The following C11orf71 variants were observed in gnomAD, a reference collection of about 807,000 sequenced individuals.
The protein encoded by C11orf71 is uncharacterized protein C11orf71.
For synonymous variants in C11orf71, 72 were observed against 73.4 expected (o/e 0.98, Z 0.09); for missense variants, 179 against 167.6 (o/e 1.07, Z -0.38).
chr11:114,399,705 C>A lies in C11orf71; in HGVS notation c.*255G>T. The A allele has an allele frequency of 4.1e-6, 2 of 485,882 alleles. No homozygotes were observed. The highest frequency in any genetic ancestry group is 5.5e-4 in the Middle Eastern group (1 of 1,818). The allele number at this position is 485,882 out of a possible 1,614,324, so 30.1% of individuals were successfully genotyped here. On this transcript the variant is annotated 3_prime_UTR_variant, in exon 1 of 1. Transcript: ENST00000623205. Reference sequence around the variant, plus strand: ...TGACCTCTGGGGAGGGTGCTCCCATCAGCTCAGCTTTGTGACGACCTAAGA... The same window carrying A: ...TGACCTCTGGGGAGGGTGCTCCCATAAGCTCAGCTTTGTGACGACCTAAGA...
rs1187756785 is a variant in C11orf71 at position 114,400,135 on chromosome 11, C to T, written c.197G>A (p.Arg66His). ...GCTCCGGCCGCCACCATCCACTCGACGGCTCTCGGCCCGAACGCTTGGTCG... is the reference window on the plus strand; with the variant it reads ...GCTCCGGCCGCCACCATCCACTCGATGGCTCTCGGCCCGAACGCTTGGTCG... ...AVRPSVRAES[R>H]RVDGGGRSPR... Residue 66 changes from arginine to histidine, a missense_variant, in exon 1 of 1, where the codon CGT (arginine) becomes CAT (histidine). Coordinates refer to ENST00000623205, the MANE Select transcript of C11orf71 (RefSeq NM_001271562.2). 6.2e-7 allele frequency: 1 copy of T among 1,613,880 alleles called. No homozygotes were observed. Among genetic ancestry groups the T allele is most frequent in the Admixed American group, 1.7e-5 (1 of 60,018 alleles).
downstream of C11orf71, among the ~76,000 whole-genome samples, chr11:114,394,257 CTTTTCTTTTCTTTTCTT>C (rs1946106801): frequency 6.1e-5 from 4 of 65,512 alleles, no homozygotes; most frequent in East Asian, 5.1e-4. Flanking sequence ...CTTTTCTTTT[CTTTTCTTTTCTTTTCTT>C]TTCTTTTCTT....
chr11:114,397,912 C>T (rs1267672875), downstream of C11orf71, among the ~76,000 whole-genome samples: 4 of 152,094 alleles, frequency 2.6e-5, no homozygotes, highest in South Asian at 2.1e-4. Context: ...TCTCCTCATC[C>T]CCCAACTCCC....
At chr11:114,394,179 GTTTCT>G (rs1226365240), downstream of C11orf71, among the ~76,000 whole-genome samples, 402 of 80,216 alleles carry the variant, frequency 5.0e-3, 13 homozygotes, top group Admixed American at 6.0e-3. Flanking sequence ...ACGGGGTTTC[GTTTCT>G]TTTCTTTTCT....
In C11orf71 at chr11:114,400,474, G is replaced by T; in HGVS notation, c.-143C>A. 1.5e-6 allele frequency: 2 copies of T among 1,304,566 alleles called. No individual in the cohort carries two copies. Among genetic ancestry groups the T allele is most frequent in the Non-Finnish European group, 2.1e-6 (2 of 966,338 alleles). The allele number at this position is 1,304,566 out of a possible 1,614,324, so 80.8% of individuals were successfully genotyped here. A position where few individuals can be genotyped will look rare whatever the true frequency, so the allele number is the denominator to read the frequency against. On this transcript the variant is annotated 5_prime_UTR_variant, in exon 1 of 1. Coordinates refer to ENST00000623205, the MANE Select transcript of C11orf71 (RefSeq NM_001271562.2). The stretch of plus-strand genomic sequence containing the variant: ...AACTGAGCCTGCGGAAGAGCCAGAA[G>T]CCGCCTTGCCTTTAACGAGGGGTAT...
downstream of C11orf71, among the ~76,000 whole-genome samples, chr11:114,394,286 T>C (rs2135339993): frequency 2.5e-5 from 2 of 80,752 alleles, no homozygotes; most frequent in East Asian, 3.8e-4. Flanking sequence ...TCTTTTCTTT[T>C]CTCTTATTTT....
rs1946174870 is a variant in C11orf71, at chr11:114,400,230, C to T, written c.102G>A (p.Ala34=). The change falls in exon 1 of 1, where the codon GCG becomes GCA. Residue 34 remains alanine, a synonymous_variant. Coordinates refer to ENST00000623205, the MANE Select transcript of C11orf71 (RefSeq NM_001271562.2). ...CGAGGAAGCCGTCTCCGGAGACCAT[C>T]GCCAACGCTGACGCCCGCGGTCTGA... The part of the protein sequence containing the change: ...GDLRPRASAL[A]MVSGDGFLVS... The T allele has an allele frequency of 6.2e-7, 1 of 1,611,976 alleles. No homozygotes were observed. Among genetic ancestry groups the T allele is most frequent in the South Asian group, 1.1e-5 (1 of 90,834 alleles).
chr11:114,400,357 C>A lies in C11orf71; in HGVS notation c.-26G>T. On this transcript the variant is annotated 5_prime_UTR_variant, in exon 1 of 1. Transcript: ENST00000623205. ...ATTCAAACACTGCCCGCAGTACTTG[C>A]GTTACGTCCCTTTGTGAAGGCAGGC... The A allele has an allele frequency of 6.4e-7, 1 of 1,572,692 alleles. No homozygotes were observed. The highest frequency in any genetic ancestry group is 8.6e-7 in the Non-Finnish European group (1 of 1,158,564).
chr11:114,392,653 C>A (rs980339261), intron 1 of C11orf71, among the ~76,000 whole-genome samples: 7 of 151,276 alleles, frequency 4.6e-5, no homozygotes, highest in Admixed American at 4.6e-4. Flanking sequence ...ATTGCCTGAG[C>A]CCAAAAAGCC....
downstream of C11orf71, among the ~76,000 whole-genome samples, chr11:114,394,268 T>TC (rs1946108932): frequency 1.3e-5 from 1 of 75,140 alleles, no homozygotes; most frequent in African/African-American, 8.8e-5. Flanking sequence ...TTTTCTTTTC[T>TC]TTTCTTTTCT....
downstream of C11orf71, among the ~76,000 whole-genome samples, chr11:114,394,010 C>T (rs78398173): frequency 1.0e-3 from 155 of 152,050 alleles, no homozygotes; most frequent in East Asian, 2.9e-3. Context: ...GACAGAGTCT[C>T]GCTCTGTCGC....
downstream of C11orf71, among the ~76,000 whole-genome samples, chr11:114,394,372 G>A (rs1490213535): frequency 6.6e-6 from 1 of 150,704 alleles, no homozygotes; most frequent in Non-Finnish European, 1.5e-5. Context: ...TTGGCTCACT[G>A]CAACTTCTGC....
chr11:114,394,227 T>TCTTTCCTTTCCTTTCCTTTC (rs1565256493), downstream of C11orf71, among the ~76,000 whole-genome samples: 11 of 42,324 alleles, frequency 2.6e-4, no homozygotes, highest in Middle Eastern at 8.9e-3. Flanking sequence ...TCTTTTCTTT[T>TCTTTCCTTTCCTTTCCTTTC]CTTTCTTTTC....
downstream of C11orf71, among the ~76,000 whole-genome samples, chr11:114,394,830 C>T (rs1946118491): frequency 6.6e-6 from 1 of 151,568 alleles, no homozygotes; most frequent in Non-Finnish European, 1.5e-5. Flanking sequence ...TTGTCCACAT[C>T]TTGGATTAGG....
At chr11:114,391,551 T>C in exon 2 of C11orf71, 4 of 1,373,714 alleles carry the variant, frequency 2.9e-6, no homozygotes, top group Non-Finnish European at 4.0e-6. Context: ...AATGTAATTA[T>C]ATCACAAATC....
chr11:114,394,195 TTTC>T (rs1393852594), downstream of C11orf71, among the ~76,000 whole-genome samples: 3 of 41,978 alleles, frequency 7.1e-5, no homozygotes, highest in Admixed American at 2.7e-4. Flanking sequence ...TTTCTTTTCT[TTTC>T]TTTTCTTTTC....
intron 1 of C11orf71, among the ~76,000 whole-genome samples, chr11:114,392,367 G>A (rs777164924): frequency 7.3e-5 from 11 of 151,676 alleles, no homozygotes; most frequent in Non-Finnish European, 1.3e-4. Context: ...GTGAAATCCC[G>A]TCTCTACTAA....
In C11orf71 at chr11:114,400,014, C is replaced by G. The variant is rs1409074679; in HGVS notation, c.318G>C (p.Leu106=). ...AVEPDLLRSV[L]QQRLIALGGV... ...CTCCTAATGCAATCAAACGCTGTTG[C>G]AGCACACTTCTTAGGAGATCGGGTT... The change falls in exon 1 of 1, where the codon CTG becomes CTC. Residue 106 remains leucine (L), a synonymous_variant. Transcript: ENST00000623205. 4.3e-6 allele frequency: 7 copies of G among 1,613,860 alleles called. No homozygotes were observed. The highest frequency in any genetic ancestry group is 5.9e-6 in the Non-Finnish European group (7 of 1,179,740).
Position 114,400,187 on chromosome 11 carries a change from T to G in C11orf71, c.145A>C (p.Ile49Leu), listed in dbSNP as rs1946173863. The change falls in exon 1 of 1, where the codon ATT (isoleucine) becomes CTT (leucine). Residue 49 changes from isoleucine to leucine, a missense_variant. Ile to Leu is a conservative substitution (Grantham distance 5, BLOSUM62 2). Coordinates refer to ENST00000623205, the MANE Select transcript of C11orf71 (RefSeq NM_001271562.2). ...DGFLVSRPEA[I>L]HLGPRQAVRP... ...ACCGCCTGCCGAGGTCCTAGATGAA[T>G]CGCTTCAGGCCTGGAAACGAGGAAG... 1 of 1,613,582 alleles carries G rather than the reference T, an allele frequency of 6.2e-7. No homozygotes were observed. The highest frequency in any genetic ancestry group is 8.5e-7 in the Non-Finnish European group (1 of 1,179,836).
Sources: allele counts gnomAD v4.1 joint callset (sites outside exome capture counted in the v4.1 genomes callset), GRCh38; gene constraint gnomAD v4.1.1; transcripts MANE v1.5; gene names NCBI Gene and HGNC (gene_info 2026-07-23, HGNC 2026-07-21).